MLLT3: variants seen among roughly 807,000 people sequenced by gnomAD.
The protein encoded by MLLT3 is protein AF-9.
In MLLT3, 4 loss-of-function variants were observed where a neutral mutation model predicts 53.2. That is an observed-to-expected ratio of 0.08 (90% CI 0.04 to 0.17). The LOEUF (loss-of-function observed/expected upper bound fraction) is 0.17. Among genes scored for constraint, MLLT3 ranks in the 10% least tolerant of loss-of-function variants. The pLI is 1.00. For missense variants in MLLT3, 569 were observed against 684.0 expected (o/e 0.83, Z 1.87); for synonymous variants, 283 against 230.6 (o/e 1.23, Z -2.06).
At chr9:20,610,742 G>C (rs537457161) in intron 2 of MLLT3, among the ~76,000 whole-genome samples, 1 of 152,146 alleles carries the variant, frequency 6.6e-6, no homozygotes, top group South Asian at 2.1e-4. Context: ...AGGGAGTGTT[G>C]GTCTAATGAA....
At chr9:20,504,547 G>A (rs1168746659) in intron 2 of MLLT3, among the ~76,000 whole-genome samples, 1 of 152,132 alleles carries the variant, frequency 6.6e-6, no homozygotes, top group African/African-American at 2.4e-5. Context: ...TAAAAAAGCT[G>A]AACTCATTGA....
chr9:20,498,127 G>A (rs1186469055), intron 2 of MLLT3, among the ~76,000 whole-genome samples: 2 of 148,610 alleles, frequency 1.3e-5, no homozygotes, highest in East Asian at 2.0e-4. Flanking sequence ...GGAGGCTGAC[G>A]CAGAGAATCA....
At chr9:20,527,112 A>C (rs1324490467) in intron 2 of MLLT3, among the ~76,000 whole-genome samples, 1 of 152,206 alleles carries the variant, frequency 6.6e-6, no homozygotes, top group African/African-American at 2.4e-5. Context: ...TGTAAGATCA[A>C]AGGGTAAGGT....
chr9:20,394,197 A>C (rs941303562), intron 5 of MLLT3, among the ~76,000 whole-genome samples: 1 of 152,108 alleles, frequency 6.6e-6, no homozygotes, highest in African/African-American at 2.4e-5. Context: ...ACACCCAAAG[A>C]AAAAGGTCCA....
chr9:20,565,388 C>T lies in MLLT3; in HGVS notation c.193+55266G>A, dbSNP rs376731016. Among the ~76,000 whole-genome samples the T allele has an allele frequency of 2.0e-5, 3 of 152,054 alleles. No homozygotes were observed. In the East Asian group the frequency reaches 5.8e-4, roughly 29 times the overall value. ...TGCTCTTGGTGGGGTGCGCACACTGCGAATAACTTACCAACTCACTGCCCA... is the reference window on the plus strand; with the variant it reads ...TGCTCTTGGTGGGGTGCGCACACTGTGAATAACTTACCAACTCACTGCCCA... On this transcript the variant is annotated intron_variant, in intron 2 of 10. Transcript: ENST00000380338.
At chr9:20,585,899 G>T (rs918731302) in intron 2 of MLLT3, among the ~76,000 whole-genome samples, 4 of 152,128 alleles carry the variant, frequency 2.6e-5, no homozygotes, top group Admixed American at 2.6e-4. Flanking sequence ...ATAATTGAGG[G>T]AGAAACAGTG....
chr9:20,499,656 A>G (rs1586998255), intron 2 of MLLT3, among the ~76,000 whole-genome samples: 2 of 152,356 alleles, frequency 1.3e-5, no homozygotes, highest in South Asian at 2.1e-4. Context: ...CTTGCAATAC[A>G]ATCAGCTCAG....
intron 2 of MLLT3, among the ~76,000 whole-genome samples, chr9:20,537,572 C>T (rs1818520021): frequency 6.6e-6 from 1 of 152,118 alleles, no homozygotes; most frequent in African/African-American, 2.4e-5. Flanking sequence ...GGAGTCCTGC[C>T]AATTCACATG....
chr9:20,561,697 C>A (rs192127036), intron 2 of MLLT3, among the ~76,000 whole-genome samples: 1 of 152,134 alleles, frequency 6.6e-6, no homozygotes, highest in Non-Finnish European at 1.5e-5. Context: ...AATCTCCACA[C>A]GACTCAAAGT....
chr9:20,587,982 A>G (rs1354195916), intron 2 of MLLT3, among the ~76,000 whole-genome samples: 29 of 150,034 alleles, frequency 1.9e-4, no homozygotes, highest in East Asian at 1.8e-3. Context: ...TAGGTCTAAC[A>G]TTTAAGTCTT....
intron 2 of MLLT3, among the ~76,000 whole-genome samples, chr9:20,524,437 C>T (rs1818146963): frequency 6.6e-6 from 1 of 151,936 alleles, no homozygotes; most frequent in East Asian, 1.9e-4. Flanking sequence ...AATGTTTCCA[C>T]CAGATGAAAT....
chr9:20,613,821 A>C (rs1820757707), intron 2 of MLLT3, among the ~76,000 whole-genome samples: 1 of 152,124 alleles, frequency 6.6e-6, no homozygotes, highest in African/African-American at 2.4e-5. Context: ...TTTTTGGAGG[A>C]AAGTTTGGTA....
chr9:20,494,808 T>C (rs566828669), intron 2 of MLLT3, among the ~76,000 whole-genome samples: 1 of 152,300 alleles, frequency 6.6e-6, no homozygotes, highest in African/African-American at 2.4e-5. Context: ...CCACGAGCAA[T>C]TCATTTAATT....
chr9:20,391,423 A>C (rs146380023), intron 5 of MLLT3, among the ~76,000 whole-genome samples: 282 of 152,210 alleles, frequency 1.9e-3, no homozygotes, highest in African/African-American at 6.2e-3. Context: ...TTCTTCCCAT[A>C]TTTATTTTGT....
intron 3 of MLLT3, among the ~76,000 whole-genome samples, chr9:20,454,839 T>C (rs879889570): frequency 2.0e-5 from 3 of 152,018 alleles, no homozygotes; most frequent in South Asian, 2.1e-4. Context: ...AAAAATACAC[T>C]GAAAAGTGAG....
At chr9:20,484,264 G>A (rs939267003) in intron 2 of MLLT3, among the ~76,000 whole-genome samples, 1 of 151,920 alleles carries the variant, frequency 6.6e-6, no homozygotes, top group Non-Finnish European at 1.5e-5. Context: ...TTTCCATTTA[G>A]GTCTACTAAA....
chr9:20,458,340 A>T (rs1182638080), intron 2 of MLLT3, among the ~76,000 whole-genome samples: 1 of 152,168 alleles, frequency 6.6e-6, no homozygotes, highest in Non-Finnish European at 1.5e-5. Flanking sequence ...TCAAGGGCTC[A>T]GGCGACAGCA....
At chr9:20,533,760 A>G (rs1818404313) in intron 2 of MLLT3, among the ~76,000 whole-genome samples, 1 of 152,258 alleles carries the variant, frequency 6.6e-6, no homozygotes, top group African/African-American at 2.4e-5. Flanking sequence ...AAAATAGATG[A>G]ACCTGGAGGA....
chr9:20,451,191 G>C (rs1013178527), intron 3 of MLLT3, among the ~76,000 whole-genome samples: 1 of 152,038 alleles, frequency 6.6e-6, no homozygotes. Context: ...CAATCTCTAC[G>C]CTGACACACA....
Sources: gnomAD v4.1 joint callset for allele counts (sites outside exome capture counted in the v4.1 genomes callset) on GRCh38, gnomAD v4.1.1 for gene constraint, MANE v1.5 for transcripts, NCBI Gene and HGNC (gene_info 2026-07-23, HGNC 2026-07-21) for gene names.